The following KCNIP4 variants were observed in gnomAD, a reference collection of about 807,000 sequenced individuals.
The protein encoded by KCNIP4 is Kv channel-interacting protein 4.
A neutral mutation model predicts 34.0 loss-of-function variants in KCNIP4; 12 were observed. The observed-to-expected ratio is 0.35, with a 90% CI of 0.23 to 0.57. The LOEUF is 0.57. Among genes scored for constraint, KCNIP4 ranks in the 20% least tolerant of loss-of-function variants. KCNIP4 has a pLI of 0.83. For missense variants in KCNIP4, 238 were observed against 311.7 expected (o/e 0.76, Z 1.78); for synonymous variants, 124 against 102.2 (o/e 1.21, Z -1.29).
In KCNIP4 at chr4:21,254,889, G is replaced by T. The variant is rs193260185; in HGVS notation, c.62-372180C>A. The stretch of plus-strand genomic sequence containing the variant: ...CCTGGTCTCTCATTGTCCCATTGTC[G>T]CTATCTTCTAATATTTCCCTGTAAT... On this transcript the variant is annotated intron_variant, in intron 1 of 8. Coordinates refer to ENST00000382152, the MANE Select transcript of KCNIP4 (RefSeq NM_025221.6). 1.8e-4 allele frequency among the ~76,000 whole-genome samples: 27 copies of T among 152,154 alleles called. No homozygotes were observed. The East Asian group carries it at 5.2e-3, about 29-fold the overall frequency.
rs772943288 is a variant in KCNIP4 at position 21,143,568 on chromosome 4, C to T, written c.62-260859G>A. ...AAAGGCAGCTGAGATAAGCTAGACACTTGATCTACACTTGATCATAAATGG... is the reference window on the plus strand; with the variant it reads ...AAAGGCAGCTGAGATAAGCTAGACATTTGATCTACACTTGATCATAAATGG... On this transcript the variant is annotated intron_variant, in intron 1 of 8. Transcript: ENST00000382152. 1.1e-4 allele frequency among the ~76,000 whole-genome samples: 17 copies of T among 149,368 alleles called. 1 individual carries two copies. Among genetic ancestry groups the T allele is most frequent in the Non-Finnish European group, 2.5e-4 (17 of 66,788 alleles).
intron 1 of KCNIP4, among the ~76,000 whole-genome samples, chr4:21,243,887 G>C (rs1760021358): frequency 6.6e-6 from 1 of 152,106 alleles, no homozygotes; most frequent in South Asian, 2.1e-4. Flanking sequence ...GTTTTTTGGA[G>C]AGAAAATAAC....
At chr4:21,194,242 T>C (rs2109356825) in intron 1 of KCNIP4, among the ~76,000 whole-genome samples, 1 of 152,316 alleles carries the variant, frequency 6.6e-6, no homozygotes, top group East Asian at 1.9e-4. Context: ...TCTCCTCAAT[T>C]GATTATCCAA....
intron 1 of KCNIP4, among the ~76,000 whole-genome samples, chr4:21,535,080 A>T (rs1737037518): frequency 6.6e-6 from 1 of 152,004 alleles, no homozygotes; most frequent in Non-Finnish European, 1.5e-5. Context: ...CAAACTTATT[A>T]ACTACTTACT....
intron 1 of KCNIP4, among the ~76,000 whole-genome samples, chr4:21,664,023 C>T (rs1327665468): frequency 6.6e-6 from 1 of 152,142 alleles, no homozygotes; most frequent in Non-Finnish European, 1.5e-5. Flanking sequence ...TGGCTCACTG[C>T]AACCTCTGCC....
At chr4:20,813,096 G>A (rs897350690) in intron 3 of KCNIP4, among the ~76,000 whole-genome samples, 1 of 152,178 alleles carries the variant, frequency 6.6e-6, no homozygotes, top group Non-Finnish European at 1.5e-5. Context: ...GTAGTCATGT[G>A]CCCAGAAGGA....
In KCNIP4 at chr4:21,386,225, G is replaced by A. The variant is rs78433692; in HGVS notation, c.62-503516C>T. 5.6e-3 allele frequency among the ~76,000 whole-genome samples: 847 copies of A among 152,172 alleles called. 6 individuals are homozygous for A. Among genetic ancestry groups the A allele is most frequent in the African/African-American group, 0.02 (820 of 41,532 alleles). On this transcript the variant is annotated intron_variant, in intron 1 of 8. Coordinates refer to ENST00000382152, the MANE Select transcript of KCNIP4 (RefSeq NM_025221.6). ...ATTACCTTTCCTCTTAGACAATAAA[G>A]AGAAATTGAACAACTGCTGAGACAA...
At chr4:21,596,892 T>G (rs1184873899) in intron 1 of KCNIP4, among the ~76,000 whole-genome samples, 1 of 152,024 alleles carries the variant, frequency 6.6e-6, no homozygotes, top group Non-Finnish European at 1.5e-5. Context: ...GCAGAAGATT[T>G]GGAAGCGGAA....
chr4:21,530,293 C>T (rs907419294), intron 1 of KCNIP4, among the ~76,000 whole-genome samples: 3 of 152,086 alleles, frequency 2.0e-5, no homozygotes, highest in African/African-American at 7.2e-5. Flanking sequence ...GCTCTAGCTA[C>T]AGTCTTGAGC....
chr4:20,823,342 A>G (rs1717340195), intron 3 of KCNIP4, among the ~76,000 whole-genome samples: 1 of 152,166 alleles, frequency 6.6e-6, no homozygotes, highest in Non-Finnish European at 1.5e-5. Context: ...ATAAAAGGAT[A>G]GGGAGCCATT....
chr4:21,747,509 AC>A (rs1361110908), intron 1 of KCNIP4, among the ~76,000 whole-genome samples: 1 of 152,148 alleles, frequency 6.6e-6, no homozygotes, highest in Admixed American at 6.6e-5. Context: ...GTTATAGAGT[AC>A]TGTGCCAGAA....
intron 1 of KCNIP4, among the ~76,000 whole-genome samples, chr4:21,622,018 G>A (rs148403596): frequency 6.6e-6 from 1 of 152,314 alleles, no homozygotes; most frequent in African/African-American, 2.4e-5. Flanking sequence ...TGGGAGGCCA[G>A]GCAACTTTGC....
intron 1 of KCNIP4, among the ~76,000 whole-genome samples, chr4:21,051,950 T>C (rs1407969726): frequency 6.6e-6 from 1 of 152,166 alleles, no homozygotes; most frequent in East Asian, 1.9e-4. Flanking sequence ...TTCAGGAGCA[T>C]TTTAGATTAG....
intron 1 of KCNIP4, among the ~76,000 whole-genome samples, chr4:20,940,318 ATGTC>A (rs1415411430): frequency 6.6e-6 from 1 of 152,148 alleles, no homozygotes; most frequent in East Asian, 1.9e-4. Flanking sequence ...ATTTGATCTT[ATGTC>A]TGTCTCCTCA....
rs546113512 is a variant in KCNIP4 at position 20,989,272 on chromosome 4, A to C, written c.62-106563T>G. Among the ~76,000 whole-genome samples the C allele has an allele frequency of 1.7e-4, 26 of 152,310 alleles. 1 individual carries two copies. Among genetic ancestry groups the C allele is most frequent in the African/African-American group, 5.5e-4 (23 of 41,586 alleles). On this transcript the variant is annotated intron_variant, in intron 1 of 8. Transcript: ENST00000382152. ...AACAGAGAAAGTTTTTTTCACCCCT[A>C]CATCCATATTCATACAATCTTTTAG... is the stretch of plus-strand genomic sequence containing the variant.
intron 1 of KCNIP4, among the ~76,000 whole-genome samples, chr4:21,896,942 A>T (rs983120279): frequency 2.0e-4 from 2 of 9,918 alleles, no homozygotes; most frequent in African/African-American, 4.5e-4. Flanking sequence ...ATAATAAATA[A>T]ATAAATAAAT....
intron 1 of KCNIP4, among the ~76,000 whole-genome samples, chr4:21,311,388 G>C (rs1713148303): frequency 6.6e-6 from 1 of 152,104 alleles, no homozygotes; most frequent in African/African-American, 2.4e-5. Context: ...ACTTATAATG[G>C]CTTGGTTTTT....
chr4:20,950,696 A>G (rs1732691925), intron 1 of KCNIP4, among the ~76,000 whole-genome samples: 1 of 152,018 alleles, frequency 6.6e-6, no homozygotes. Context: ...GTAGAAGCCA[A>G]TGAGATTATA....
chr4:21,108,478 T>C (rs1191984193), intron 1 of KCNIP4, among the ~76,000 whole-genome samples: 1 of 151,676 alleles, frequency 6.6e-6, no homozygotes, highest in Admixed American at 6.5e-5. Flanking sequence ...TGTGTATTGG[T>C]TATTCTAGTT....
Sources: allele counts gnomAD v4.1 joint callset (sites outside exome capture counted in the v4.1 genomes callset), GRCh38; gene constraint gnomAD v4.1.1; transcripts MANE v1.5; gene names NCBI Gene and HGNC (gene_info 2026-07-23, HGNC 2026-07-21).